The following DSTYK variants were observed in gnomAD, a reference collection of about 807,000 sequenced individuals.
DSTYK encodes RIP-homologous kinase.
In DSTYK, 34 loss-of-function variants were observed where a neutral mutation model predicts 98.7. The observed-to-expected ratio is 0.34, with a 90% CI of 0.26 to 0.46. The LOEUF is 0.46. Among genes scored for constraint, DSTYK ranks in the 20% least tolerant of loss-of-function variants. The pLI is 1.00. For synonymous variants in DSTYK, 462 were observed against 457.3 expected, an observed-to-expected ratio of 1.01 and a Z score of -0.13; for missense variants, 962 against 1,181.7, an observed-to-expected ratio of 0.81 and a Z score of 2.73.
intron 5 of DSTYK, 129 bp from the exon 6 acceptor site, chr1:205,162,341 G>A (rs2102402066): frequency 8.0e-6 from 9 of 1,118,894 alleles, no homozygotes; most frequent in African/African-American, 4.7e-5. Flanking sequence ...GCCATACGAA[G>A]TCCAAAGTTC....
At chr1:205,175,163 G>A (rs537658262) in intron 2 of DSTYK, among the ~76,000 whole-genome samples, 3 of 146,772 alleles carry the variant, frequency 2.0e-5, no homozygotes, top group African/African-American at 5.0e-5. Context: ...GTGCAGTGGC[G>A]CAATCTTGGC....
At chr1:205,206,526 G>A (rs573886645) in intron 1 of DSTYK, among the ~76,000 whole-genome samples, 1 of 149,552 alleles carries the variant, frequency 6.7e-6, no homozygotes, top group African/African-American at 2.5e-5. Context: ...TGATCCACCC[G>A]CCTCAGCCTG....
Position 205,160,271 on chromosome 1 carries a change from C to CTA in DSTYK, c.1949-3_1949-2dup. 1 of 1,613,774 alleles carries CTA rather than the reference C, an allele frequency of 6.2e-7. No homozygotes were observed. Among genetic ancestry groups the CTA allele is most frequent in the Non-Finnish European group, 8.5e-7 (1 of 1,179,956 alleles). On this transcript the variant is annotated splice_acceptor_variant, in intron 7 of 12. Coordinates refer to ENST00000367162, the MANE Select transcript of DSTYK (RefSeq NM_015375.3). LOFTEE classifies it high-confidence loss of function. ...AGTTCCTGTCCCAGTTTAGGTTTAC[C>CTA]TATAAGGTACAGAGACAGAGATAAG...
At chr1:205,158,026 T>G (rs1431446656) in intron 9 of DSTYK, among the ~76,000 whole-genome samples, 1 of 152,114 alleles carries the variant, frequency 6.6e-6, no homozygotes, top group East Asian at 1.9e-4. Context: ...AAGATTTATT[T>G]CCATTGCTTT....
chr1:205,191,565 G>A (rs1367910412), intron 1 of DSTYK, among the ~76,000 whole-genome samples: 2 of 152,220 alleles, frequency 1.3e-5, no homozygotes, highest in African/African-American at 4.8e-5. Flanking sequence ...GGTTTTAACT[G>A]CTGAAAGACC....
chr1:205,177,163 C>T lies in DSTYK; in HGVS notation c.655-7331G>A, dbSNP rs185011589. 5.6e-4 allele frequency among the ~76,000 whole-genome samples: 85 copies of T among 152,208 alleles called. 1 individual carries two copies. In the South Asian group the frequency reaches 9.1e-3, roughly 16 times the overall value. On this transcript the variant is annotated intron_variant, in intron 2 of 12. Coordinates refer to ENST00000367162, the MANE Select transcript of DSTYK (RefSeq NM_015375.3). ...TTGAGGTTACAGTGAGCCGTGATCA[C>T]GTCACTGCACTCTAGCCTGAACAAC... is the stretch of plus-strand genomic sequence containing the variant.
chr1:205,202,065 G>A (rs184866872), intron 1 of DSTYK: 4 of 372,362 alleles, frequency 1.1e-5, no homozygotes, highest in African/African-American at 6.4e-5. Context: ...TGGGAAACTC[G>A]GGAAGGGGAG....
chr1:205,172,057 G>A (rs1658080515), intron 2 of DSTYK, among the ~76,000 whole-genome samples: 1 of 152,150 alleles, frequency 6.6e-6, no homozygotes, highest in Non-Finnish European at 1.5e-5. Context: ...CTGGGTTCAA[G>A]TGAATTCTCC....
At chr1:205,165,343 G>A (rs1227482337) in intron 3 of DSTYK, among the ~76,000 whole-genome samples, 1 of 152,080 alleles carries the variant, frequency 6.6e-6, no homozygotes, top group Non-Finnish European at 1.5e-5. Context: ...CGCTCACCTT[G>A]GCCTCCCAAA....
chr1:205,180,270 C>A (rs1217997391), intron 2 of DSTYK, among the ~76,000 whole-genome samples: 3 of 151,532 alleles, frequency 2.0e-5, no homozygotes, highest in Non-Finnish European at 4.4e-5. Flanking sequence ...CCTTTCCCCC[C>A]AGCCCCCGAC....
At chr1:205,204,701 C>G (rs1422613287) in intron 1 of DSTYK, among the ~76,000 whole-genome samples, 4 of 152,142 alleles carry the variant, frequency 2.6e-5, no homozygotes, top group African/African-American at 7.2e-5. Flanking sequence ...AGAGCACTCT[C>G]ATCTCCTCCC....
At chr1:205,156,397 C>T (rs760518827) in intron 10 of DSTYK, among the ~76,000 whole-genome samples, 2 of 152,156 alleles carry the variant, frequency 1.3e-5, no homozygotes, top group Non-Finnish European at 2.9e-5. Flanking sequence ...GTGAAGATGC[C>T]CAATGCCATG....
chr1:205,187,616 G>T lies in DSTYK; in HGVS notation c.456C>A (p.Arg152=), dbSNP rs772890762. 2.2e-5 allele frequency: 35 copies of T among 1,614,058 alleles called. No homozygotes were observed. Among genetic ancestry groups the T allele is most frequent in the Non-Finnish European group, 2.3e-5 (27 of 1,180,046 alleles). Residue 152 remains arginine, a synonymous_variant, in exon 2 of 13, where the codon CGC becomes CGA. Coordinates refer to ENST00000367162, the MANE Select transcript of DSTYK (RefSeq NM_015375.3). ...LGSEESCKLR[R]LRFTYGTQTR... is the part of the protein sequence containing the mutation. ...TCTGAGTCCCATAGGTGAAGCGGAG[G>T]CGCCGAAGCTTACAGCTCTCCTCAC...
At chr1:205,174,283 G>A (rs1658159478) in intron 2 of DSTYK, among the ~76,000 whole-genome samples, 1 of 151,918 alleles carries the variant, frequency 6.6e-6, no homozygotes, top group Non-Finnish European at 1.5e-5. Flanking sequence ...GGGAGGCCGA[G>A]GCAGGTGGAT....
intron 1 of DSTYK, among the ~76,000 whole-genome samples, chr1:205,204,703 TCTC>T (rs1659150372): frequency 2.6e-5 from 4 of 152,226 alleles, no homozygotes; most frequent in East Asian, 1.9e-4. Context: ...AGCACTCTCA[TCTC>T]CTCCCAGAAA....
intron 1 of DSTYK, among the ~76,000 whole-genome samples, chr1:205,210,424 C>T (rs1016441387): frequency 3.7e-5 from 5 of 134,526 alleles, no homozygotes; most frequent in African/African-American, 1.2e-4. Flanking sequence ...GTCCCTTCTC[C>T]CTTCCAATCT....
chr1:205,171,792 A>G (rs926909564), intron 2 of DSTYK, among the ~76,000 whole-genome samples: 1 of 152,192 alleles, frequency 6.6e-6, no homozygotes. Flanking sequence ...ATTCTAGCAT[A>G]TTTTAGAGTT....
intron 10 of DSTYK, among the ~76,000 whole-genome samples, chr1:205,155,556 G>A (rs934305365): frequency 2.6e-5 from 4 of 151,784 alleles, no homozygotes; most frequent in African/African-American, 7.3e-5. Flanking sequence ...TACTTGGGAG[G>A]CTGAGGCAGG....
At chr1:205,157,228 G>T in intron 10 of DSTYK, 45 bp downstream of exon 10, 1 of 1,537,478 alleles carries the variant, frequency 6.5e-7, no homozygotes, top group Non-Finnish European at 9.0e-7. Context: ...AAATCACTCA[G>T]CCACAGAGGT....
Sources: allele counts gnomAD v4.1 joint callset (sites outside exome capture counted in the v4.1 genomes callset), GRCh38; gene constraint gnomAD v4.1.1; transcripts MANE v1.5; gene names NCBI Gene and HGNC (gene_info 2026-07-23, HGNC 2026-07-21).